Variants in ARID4A observed in about 807,000 individuals in gnomAD.
The protein encoded by ARID4A is AT-rich interactive domain-containing protein 4A.
A neutral mutation model predicts 148.6 loss-of-function variants in ARID4A; 39 were observed. That is an observed-to-expected ratio of 0.26 (90% CI 0.20 to 0.34). The LOEUF (loss-of-function observed/expected upper bound fraction) is 0.34, where lower values mean the gene tolerates loss of function less well. ARID4A is among the 10% of genes least tolerant of loss of function. The probability of loss-of-function intolerance (pLI) is 1.00; values close to 1 mark genes in which losing one functional copy is unlikely to be tolerated. For missense variants in ARID4A, 1,265 were observed against 1,449.1 expected, an observed-to-expected ratio of 0.87 and a Z score of 2.06; for synonymous variants, 475 against 481.2, an observed-to-expected ratio of 0.99 and a Z score of 0.17.
rs559385457 is a variant in ARID4A at position 58,303,098 on chromosome 14, A to T, written c.117+1408A>T. On this transcript the variant is annotated intron_variant, in intron 3 of 23. Coordinates refer to ENST00000355431, the MANE Select transcript of ARID4A (RefSeq NM_002892.4). Reference sequence around the variant, plus strand: ...TACTTAGATACCTCCTATGCTTATTATAAACATTTTTAACATTATAGAGGT... The same window carrying T: ...TACTTAGATACCTCCTATGCTTATTTTAAACATTTTTAACATTATAGAGGT... Among the ~76,000 whole-genome samples the T allele has an allele frequency of 1.5e-3, 230 of 152,116 alleles. 1 individual carries two copies. Among genetic ancestry groups the T allele is most frequent in the Middle Eastern group, 3.4e-3 (1 of 294 alleles).
intron 11 of ARID4A, 144 bp from the exon 12 acceptor site, chr14:58,344,551 C>A (rs1359871998): frequency 3.4e-6 from 2 of 583,714 alleles, no homozygotes; most frequent in Non-Finnish European, 6.1e-6. Flanking sequence ...GACTTAAAAT[C>A]TGTCATTGTA....
chr14:58,368,440 T>C (rs1249351928), intron 23 of ARID4A, among the ~76,000 whole-genome samples: 1 of 152,226 alleles, frequency 6.6e-6, no homozygotes, highest in Non-Finnish European at 1.5e-5. Context: ...GATGCTCATA[T>C]ACAGCTTTCA....
chr14:58,307,565 A>T (rs530020599), intron 5 of ARID4A, among the ~76,000 whole-genome samples: 3 of 152,344 alleles, frequency 2.0e-5, no homozygotes, highest in African/African-American at 7.2e-5. Context: ...CTAACCTGTA[A>T]TCCCAGCACT....
intron 5 of ARID4A, 58 bp from the exon 6 acceptor site, chr14:58,318,484 T>TTTAA: frequency 2.0e-6 from 3 of 1,496,632 alleles, no homozygotes; most frequent in Non-Finnish European, 2.8e-6. Context: ...ATTCTGTGCT[T>TTTAA]TTAAGTTTTT....
rs574280078 is a variant in ARID4A, at chr14:58,336,707, G to A, written c.906+6538G>A. Among the ~76,000 whole-genome samples, 5 of 152,140 alleles carry A rather than the reference G, an allele frequency of 3.3e-5. No individual in the cohort carries two copies. The South Asian group carries it at 8.3e-4, about 25-fold the overall frequency. ...TTCTTAGTTTATTCATGGAGACTTG[G>A]TGGTTTTTAAAGTAAGACTGTTTGT... On this transcript the variant is annotated intron_variant, in intron 11 of 23. Transcript: ENST00000355431.
chr14:58,367,302 T>C (rs1456352753), intron 23 of ARID4A, among the ~76,000 whole-genome samples: 2 of 152,228 alleles, frequency 1.3e-5, no homozygotes, highest in Admixed American at 1.3e-4. Flanking sequence ...AAATTCACTC[T>C]TTGCTCAAAC....
intron 2 of ARID4A, among the ~76,000 whole-genome samples, chr14:58,300,727 CG>C (rs1271636342): frequency 6.6e-6 from 1 of 151,204 alleles, no homozygotes; most frequent in Non-Finnish European, 1.5e-5. Flanking sequence ...TACTTCAAAA[CG>C]TATCTCCAAA....
At chr14:58,304,909 G>T (rs1187682795) in intron 3 of ARID4A, 35 bp from the exon 4 acceptor site, 1 of 1,541,326 alleles carries the variant, frequency 6.5e-7, no homozygotes, top group Admixed American at 1.7e-5. Flanking sequence ...TGTTTTAAAA[G>T]TAATATGCAA....
intron 7 of ARID4A, among the ~76,000 whole-genome samples, chr14:58,322,554 C>T (rs1360427579): frequency 6.6e-6 from 1 of 152,098 alleles, no homozygotes; most frequent in East Asian, 1.9e-4. Flanking sequence ...AAAAAAAGGA[C>T]TAAAACCATA....
At position 58,306,843 on chromosome 14, in the gene ARID4A, C is replaced by T. The variant is rs571884456; in HGVS notation, c.274+731C>T. Among the ~76,000 whole-genome samples the T allele has an allele frequency of 6.6e-5, 10 of 152,322 alleles. No individual in the cohort carries two copies. In the East Asian group the frequency reaches 1.9e-3, roughly 29 times the overall value. Reference sequence around the variant, plus strand: ...GCAATGAGCCCAGATCATGCCACTGCACTCCAGCCTGGGCGACAGAGTGAG... The same window carrying T: ...GCAATGAGCCCAGATCATGCCACTGTACTCCAGCCTGGGCGACAGAGTGAG... On this transcript the variant is annotated intron_variant, in intron 5 of 23. Transcript: ENST00000355431.
intron 2 of ARID4A, among the ~76,000 whole-genome samples, chr14:58,300,974 TAAG>T (rs1351834601): frequency 2.0e-4 from 31 of 152,208 alleles, no homozygotes; most frequent in Non-Finnish European, 2.9e-4. Context: ...TTTTTTATAC[TAAG>T]AAGATTAGTG....
intron 18 of ARID4A, 73 bp downstream of exon 18, chr14:58,359,289 C>A: frequency 7.0e-7 from 1 of 1,418,732 alleles, no homozygotes; most frequent in South Asian, 1.3e-5. Context: ...TTTTTTAAGA[C>A]TTTAAGAACA....
At chr14:58,339,916 A>G (rs2034027227) in intron 11 of ARID4A, among the ~76,000 whole-genome samples, 1 of 151,882 alleles carries the variant, frequency 6.6e-6, no homozygotes, top group South Asian at 2.1e-4. Context: ...CTTTCAAGCA[A>G]CCAGATCTCA....
rs1350988099 is a variant in ARID4A, at chr14:58,305,029, T to A, written c.183+20T>A. On this transcript the variant is annotated intron_variant, in intron 4 of 23. Coordinates refer to ENST00000355431, the MANE Select transcript of ARID4A (RefSeq NM_002892.4). The stretch of plus-strand genomic sequence containing the variant: ...TTAAGAGTATGTATGTTGTACGGTT[T>A]AAAATCTGAAATAATCATAGATTTA... The A allele has an allele frequency of 6.4e-7, 1 of 1,553,704 alleles. No homozygotes were observed. Among genetic ancestry groups the A allele is most frequent in the Non-Finnish European group, 8.7e-7 (1 of 1,149,210 alleles).
intron 23 of ARID4A, among the ~76,000 whole-genome samples, chr14:58,369,553 A>C (rs1224878387): frequency 6.6e-6 from 1 of 150,876 alleles, no homozygotes; most frequent in African/African-American, 2.4e-5. Context: ...TTGAACCCGG[A>C]AGTGAGCACC....
At chr14:58,339,090 G>A (rs895248175) in intron 11 of ARID4A, among the ~76,000 whole-genome samples, 4 of 149,854 alleles carry the variant, frequency 2.7e-5, no homozygotes, top group African/African-American at 7.4e-5. Context: ...TTAGCCTCCT[G>A]AGTAGCTGGG....
At chr14:58,305,961 G>T in intron 4 of ARID4A, 61 bp from the exon 5 acceptor site, 1 of 1,143,104 alleles carries the variant, frequency 8.7e-7, no homozygotes, top group South Asian at 1.2e-5. Flanking sequence ...TATATAGTTG[G>T]TGGGAGTGAT....
intron 5 of ARID4A, among the ~76,000 whole-genome samples, chr14:58,314,681 G>C (rs2032287706): frequency 6.6e-6 from 1 of 151,834 alleles, no homozygotes; most frequent in African/African-American, 2.4e-5. Context: ...CTCCTGCCTT[G>C]GCTTCCCAAA....
chr14:58,355,553 G>T (rs1201449951), intron 17 of ARID4A, among the ~76,000 whole-genome samples: 1 of 152,114 alleles, frequency 6.6e-6, no homozygotes, highest in Admixed American at 6.5e-5. Context: ...TTGGACCATG[G>T]GTAATTGAAC....
Sources: gnomAD v4.1 joint callset for allele counts (sites outside exome capture counted in the v4.1 genomes callset) on GRCh38, gnomAD v4.1.1 for gene constraint, MANE v1.5 for transcripts, NCBI Gene and HGNC (gene_info 2026-07-23, HGNC 2026-07-21) for gene names.